GUCY1A2: variants seen among roughly 807,000 people sequenced by gnomAD.
The protein encoded by GUCY1A2 is guanylate cyclase soluble subunit alpha-2.
In GUCY1A2, 27 loss-of-function variants were observed where a neutral mutation model predicts 63.5. The ratio of observed to expected loss-of-function variants is 0.43; its 90% CI spans 0.31 to 0.59. GUCY1A2 has a LOEUF of 0.59. Ranked by LOEUF, GUCY1A2 falls within the 20% of genes least tolerant of loss-of-function variation. The pLI, the probability that GUCY1A2 is intolerant of heterozygous loss-of-function variation, is 0.11. For synonymous variants in GUCY1A2, 364 were observed against 343.5 expected, an observed-to-expected ratio of 1.06 and a Z score of -0.66; for missense variants, 768 against 913.3, an observed-to-expected ratio of 0.84 and a Z score of 2.05.
At chr11:106,812,741 C>T (rs7935646) in intron 4 of GUCY1A2, among the ~76,000 whole-genome samples, 138,391 of 151,990 alleles carry the variant, frequency 0.91, 63,077 homozygotes, top group East Asian at 1. Context: ...ATGTCCTTGA[C>T]TTATATGTGG....
chr11:106,746,800 C>T (rs1372253010), intron 6 of GUCY1A2, among the ~76,000 whole-genome samples: 1 of 152,004 alleles, frequency 6.6e-6, no homozygotes, highest in East Asian at 1.9e-4. Flanking sequence ...AAAAAATTAT[C>T]TGGCATAGGA....
chr11:106,896,521 C>T (rs1417318052), intron 4 of GUCY1A2, among the ~76,000 whole-genome samples: 1 of 152,182 alleles, frequency 6.6e-6, no homozygotes, highest in Non-Finnish European at 1.5e-5. Flanking sequence ...CTCCAAAATA[C>T]ATGTTGAAAC....
At chr11:106,805,129 C>G (rs1290682919) in intron 5 of GUCY1A2, among the ~76,000 whole-genome samples, 2 of 152,154 alleles carry the variant, frequency 1.3e-5, no homozygotes, top group Non-Finnish European at 2.9e-5. Flanking sequence ...TTCCTTCTTC[C>G]CAATCTAAAC....
At chr11:106,867,241 G>T (rs942913085) in intron 4 of GUCY1A2, among the ~76,000 whole-genome samples, 2 of 151,992 alleles carry the variant, frequency 1.3e-5, no homozygotes, top group Middle Eastern at 3.2e-3. Context: ...AGTATATTAT[G>T]TGTTAAACAC....
At position 106,759,082 on chromosome 11, in the gene GUCY1A2, A is replaced by G. The variant is rs527314785; in HGVS notation, c.1836+17357T>C. Among the ~76,000 whole-genome samples the G allele has an allele frequency of 4.0e-4, 61 of 152,246 alleles. 3 individuals are homozygous for G. The South Asian group carries it at 0.012, about 30-fold the overall frequency. On this transcript the variant is annotated intron_variant, in intron 6 of 7. Transcript: ENST00000526355. ...CTACCTAGATGATGGGATCATTTGT[A>G]TCCCAAACCTCAGCATCACACAACA...
intron 3 of GUCY1A2, among the ~76,000 whole-genome samples, chr11:106,955,969 A>G (rs552159727): frequency 6.6e-6 from 1 of 151,980 alleles, no homozygotes; most frequent in East Asian, 1.9e-4. Flanking sequence ...ATCAAGTCCC[A>G]TACTTCTTGA....
intron 4 of GUCY1A2, among the ~76,000 whole-genome samples, chr11:106,850,217 T>A (rs1478904863): frequency 6.6e-6 from 1 of 151,790 alleles, no homozygotes; most frequent in East Asian, 1.9e-4. Context: ...TCCCTTTTTC[T>A]AGTTGATATT....
At chr11:106,767,891 T>C (rs949694294) in intron 6 of GUCY1A2, among the ~76,000 whole-genome samples, 2 of 151,938 alleles carry the variant, frequency 1.3e-5, no homozygotes, top group Non-Finnish European at 2.9e-5. Context: ...GCTCAATAAA[T>C]AAAAATAATT....
chr11:106,867,815 G>C (rs1029767888), intron 4 of GUCY1A2, among the ~76,000 whole-genome samples: 1 of 151,960 alleles, frequency 6.6e-6, no homozygotes, highest in African/African-American at 2.4e-5. Context: ...AGAAAAAAGA[G>C]GAATGGAACA....
At chr11:106,738,923 T>C (rs560366045) in intron 6 of GUCY1A2, among the ~76,000 whole-genome samples, 4 of 152,332 alleles carry the variant, frequency 2.6e-5, no homozygotes, top group Non-Finnish European at 4.4e-5. Context: ...TTTCTAATTC[T>C]GTGAAGAAAG....
rs182687791 is a variant in GUCY1A2, at chr11:106,793,876, A to T, written c.1692+16117T>A. Among the ~76,000 whole-genome samples, 8 of 152,278 alleles carry T rather than the reference A, an allele frequency of 5.3e-5. No individual in the cohort carries two copies. In the East Asian group the frequency reaches 1.5e-3, roughly 29 times the overall value. On this transcript the variant is annotated intron_variant, in intron 5 of 7. Transcript: ENST00000526355. ...AAATGCCAGTTAGTGTATGGAGAAA[A>T]GGGAACATTTGTACACAGTTTTTGA...
intron 4 of GUCY1A2, among the ~76,000 whole-genome samples, chr11:106,890,241 C>G (rs1037557984): frequency 6.6e-6 from 1 of 152,278 alleles, no homozygotes; most frequent in South Asian, 2.1e-4. Flanking sequence ...CCCAACTCTT[C>G]AGTAAACGTT....
At chr11:106,842,378 A>G (rs995923142) in intron 4 of GUCY1A2, among the ~76,000 whole-genome samples, 1 of 151,930 alleles carries the variant, frequency 6.6e-6, no homozygotes, top group African/African-American at 2.4e-5. Context: ...CTGATATGCT[A>G]ATATACATAA....
chr11:106,944,785 C>G (rs1860804084), intron 3 of GUCY1A2, among the ~76,000 whole-genome samples: 1 of 152,168 alleles, frequency 6.6e-6, no homozygotes, highest in African/African-American at 2.4e-5. Flanking sequence ...GTAACCACAT[C>G]TAACAAGTGC....
intron 6 of GUCY1A2, among the ~76,000 whole-genome samples, chr11:106,757,455 T>G (rs1464818543): frequency 6.6e-6 from 1 of 152,216 alleles, no homozygotes; most frequent in Admixed American, 6.5e-5. Flanking sequence ...ATTTTCAACC[T>G]TTTTTCATTG....
At chr11:107,016,766 A>C (rs2120226588) in intron 1 of GUCY1A2, among the ~76,000 whole-genome samples, 1 of 152,266 alleles carries the variant, frequency 6.6e-6, no homozygotes, top group Non-Finnish European at 1.5e-5. Context: ...GAATCCATTG[A>C]GGAGAGAGTA....
At chr11:106,996,691 A>T (rs577456650) in intron 1 of GUCY1A2, among the ~76,000 whole-genome samples, 1 of 152,314 alleles carries the variant, frequency 6.6e-6, no homozygotes, top group Admixed American at 6.5e-5. Context: ...TGGCTAAGAG[A>T]CTGATTATTT....
chr11:106,722,858 A>G (rs1314847730), intron 6 of GUCY1A2, among the ~76,000 whole-genome samples: 1 of 152,228 alleles, frequency 6.6e-6, no homozygotes, highest in East Asian at 1.9e-4. Context: ...CTTTGCATAT[A>G]GAACCAGAAT....
At chr11:106,854,663 T>G (rs1485431052) in intron 4 of GUCY1A2, among the ~76,000 whole-genome samples, 1 of 151,870 alleles carries the variant, frequency 6.6e-6, no homozygotes, top group Non-Finnish European at 1.5e-5. Flanking sequence ...TGGATGAGCA[T>G]GTGGTAGTGG....
Sources: gnomAD v4.1 joint callset for allele counts (sites outside exome capture counted in the v4.1 genomes callset) on GRCh38, gnomAD v4.1.1 for gene constraint, MANE v1.5 for transcripts, NCBI Gene and HGNC (gene_info 2026-07-23, HGNC 2026-07-21) for gene names.